Variants in HUNK observed in about 807,000 individuals in gnomAD.
HUNK encodes the protein hormonally up-regulated neu tumor-associated kinase.
Under a neutral mutation model 61.0 loss-of-function variants are expected in HUNK, and 21 were observed. The observed-to-expected ratio is 0.34, with a 90% CI of 0.24 to 0.50. HUNK has a LOEUF of 0.50. Among genes scored for constraint, HUNK ranks in the 20% least tolerant of loss-of-function variants. The pLI is 0.98. For synonymous variants in HUNK, 371 were observed against 386.1 expected, an observed-to-expected ratio of 0.96 and a Z score of 0.46; for missense variants, 772 against 945.7, an observed-to-expected ratio of 0.82 and a Z score of 2.41.
chr21:31,885,646 C>T, intron 1 of HUNK, among the ~76,000 whole-genome samples: 1 of 152,184 alleles, frequency 6.6e-6, no homozygotes, highest in East Asian at 1.9e-4. Flanking sequence ...CCCCTGTCCT[C>T]GGCTTATCCA....
intron 6 of HUNK, among the ~76,000 whole-genome samples, chr21:31,969,921 G>A (rs977290627): frequency 3.3e-5 from 5 of 152,086 alleles, no homozygotes; most frequent in African/African-American, 9.7e-5. Context: ...TAACCTGAGC[G>A]AGGGAATGAG....
intron 8 of HUNK, among the ~76,000 whole-genome samples, chr21:31,984,548 G>A (rs1307429555): frequency 2.6e-5 from 4 of 152,118 alleles, no homozygotes; most frequent in South Asian, 2.1e-4. Flanking sequence ...AACCTGGGAC[G>A]TACCTAGAGA....
Position 31,909,440 on chromosome 21 carries a change from C to T in HUNK, c.262-15028C>T, listed in dbSNP as rs114601777. ...GGGTTTCCCAGCCCTGCGTTGGGAG[C>T]TGCCATTGTTTTTTCCTTAGTCTTG... On this transcript the variant is annotated intron_variant, in intron 1 of 10. Transcript: ENST00000270112. Among the ~76,000 whole-genome samples, 655 of 152,308 alleles carry T rather than the reference C, an allele frequency of 4.3e-3. 1 individual carries two copies. The highest frequency in any genetic ancestry group is 0.015 in the African/African-American group (606 of 41,560).
intron 1 of HUNK, among the ~76,000 whole-genome samples, chr21:31,919,367 A>G (rs2123812996): frequency 6.6e-6 from 1 of 152,230 alleles, no homozygotes; most frequent in South Asian, 2.1e-4. Flanking sequence ...GAGTGGGGAG[A>G]AATGCTTGGA....
At chr21:31,920,488 A>AT (rs2052615374) in intron 1 of HUNK, among the ~76,000 whole-genome samples, 2 of 152,122 alleles carry the variant, frequency 1.3e-5, no homozygotes, top group Admixed American at 1.3e-4. Flanking sequence ...AGAGGGTGTA[A>AT]TTTTTTAGAT....
rs1445479846 is a variant in HUNK, at chr21:31,930,363, G to A, written c.554+5603G>A. Among the ~76,000 whole-genome samples the A allele has an allele frequency of 2.6e-5, 4 of 152,196 alleles. No individual in the cohort carries two copies. In the East Asian group the frequency reaches 5.8e-4, roughly 22 times the overall value. Reference sequence around the variant, plus strand: ...CCATGTTCTCTGTAATTACTACTCAGTCCAGCCCATTCATTTTATCCACGG... The same window carrying A: ...CCATGTTCTCTGTAATTACTACTCAATCCAGCCCATTCATTTTATCCACGG... On this transcript the variant is annotated intron_variant, in intron 2 of 10. Transcript: ENST00000270112.
At position 31,924,361 on chromosome 21, in the gene HUNK, C is replaced by T; in HGVS notation, c.262-107C>T. 11 of 938,772 alleles carry T rather than the reference C, an allele frequency of 1.2e-5. No homozygotes were observed. The highest frequency in any genetic ancestry group is 1.7e-5 in the Non-Finnish European group (11 of 633,382). 58.2% of individuals were successfully genotyped at this position (938,772 alleles called of 1,614,324 possible). ...ATGCTGTTTTAGGTAAGGTGTTTCTCCTCTGCAGAGACATAGCTAGCATTT... is the reference window on the plus strand; with the variant it reads ...ATGCTGTTTTAGGTAAGGTGTTTCTTCTCTGCAGAGACATAGCTAGCATTT... On this transcript the variant is annotated intron_variant, in intron 1 of 10. Transcript: ENST00000270112. This position sits in a 1 kb window ranked among gnomAD's most constrained non-coding sequence, Gnocchi z 5.1.
intron 4 of HUNK, among the ~76,000 whole-genome samples, chr21:31,954,944 G>T (rs2052877924): frequency 6.6e-6 from 1 of 152,008 alleles, no homozygotes; most frequent in African/African-American, 2.4e-5. Context: ...CACCATGCCT[G>T]GCTAATTTTG....
At position 31,990,277 on chromosome 21, in the gene HUNK, A is replaced by G; in HGVS notation, c.1305+101A>G. On this transcript the variant is annotated intron_variant, in intron 9 of 10. Coordinates refer to ENST00000270112, the MANE Select transcript of HUNK (RefSeq NM_014586.2). ...GAGATTGAGACTGAGATTTATTTTA[A>G]GGAGTTGGCTCACACAGTTTTGTGG... The G allele has an allele frequency of 1.7e-6, 2 of 1,148,578 alleles. 1 individual carries two copies. The highest frequency in any genetic ancestry group is 2.5e-5 in the South Asian group (2 of 78,794). 71.1% of individuals were successfully genotyped at this position (1,148,578 alleles called of 1,614,324 possible).
rs1421412440 is a variant in HUNK, at chr21:31,916,144, G to A, written c.262-8324G>A. Among the ~76,000 whole-genome samples, 4 of 127,306 alleles carry A rather than the reference G, an allele frequency of 3.1e-5. No homozygotes were observed. In the Admixed American group the frequency reaches 4.1e-4, roughly 13 times the overall value. The allele number at this position is 127,306 out of a possible 152,430, so 83.5% of individuals were successfully genotyped here. A position where few individuals can be genotyped will look rare whatever the true frequency, so the allele number is the denominator to read the frequency against. On this transcript the variant is annotated intron_variant, in intron 1 of 10. Coordinates refer to ENST00000270112, the MANE Select transcript of HUNK (RefSeq NM_014586.2). Reference sequence around the variant, plus strand: ...CAGCTCACTGCAAGCTCCGCCTCCCGGGTTCATGCCATTCTCCTGCCTCAG... The same window carrying A: ...CAGCTCACTGCAAGCTCCGCCTCCCAGGTTCATGCCATTCTCCTGCCTCAG...
intron 1 of HUNK, among the ~76,000 whole-genome samples, chr21:31,922,214 G>A (rs1196972811): frequency 1.4e-5 from 2 of 148,130 alleles, no homozygotes; most frequent in South Asian, 4.3e-4. Flanking sequence ...ACAGGGTTTC[G>A]CCATGTTGGC....
intron 1 of HUNK, among the ~76,000 whole-genome samples, chr21:31,888,572 A>G (rs2052364790): frequency 6.6e-6 from 1 of 152,098 alleles, no homozygotes; most frequent in Non-Finnish European, 1.5e-5. Context: ...CCCTGTTTCT[A>G]CTGAAAATAC....
intron 1 of HUNK, among the ~76,000 whole-genome samples, chr21:31,914,872 G>A (rs576889318): frequency 3.9e-5 from 6 of 152,190 alleles, no homozygotes; most frequent in African/African-American, 1.4e-4. Flanking sequence ...ATACAGTCAC[G>A]TTGGGGGTTA....
intron 5 of HUNK, among the ~76,000 whole-genome samples, chr21:31,959,500 G>A (rs2123841586): frequency 6.6e-6 from 1 of 152,340 alleles, no homozygotes; most frequent in African/African-American, 2.4e-5. Context: ...ATCATCAGGT[G>A]TGTTTGAAAA....
chr21:31,885,902 T>A (rs898867893), intron 1 of HUNK, among the ~76,000 whole-genome samples: 3 of 152,086 alleles, frequency 2.0e-5, no homozygotes, highest in Non-Finnish European at 4.4e-5. Flanking sequence ...ACCCACCTAA[T>A]TTTTGTATTT....
chr21:31,926,622 T>C (rs1000538430), intron 2 of HUNK, among the ~76,000 whole-genome samples: 2 of 152,230 alleles, frequency 1.3e-5, no homozygotes, highest in Admixed American at 6.5e-5. Context: ...GATTGCTTTC[T>C]GTCATGTAGC....
chr21:31,928,160 G>A (rs570512181), intron 2 of HUNK, among the ~76,000 whole-genome samples: 2 of 152,264 alleles, frequency 1.3e-5, no homozygotes, highest in East Asian at 1.9e-4. Context: ...TTGGATCACC[G>A]ACTCCGCAGG....
chr21:31,886,131 T>C (rs868663497), intron 1 of HUNK, among the ~76,000 whole-genome samples: 4 of 152,226 alleles, frequency 2.6e-5, no homozygotes, highest in African/African-American at 9.6e-5. Context: ...AAAGACCTCA[T>C]ATTCAGGGGG....
At chr21:31,945,909 TA>T in intron 3 of HUNK, 126 bp from the exon 4 acceptor site, 1 of 938,730 alleles carries the variant, frequency 1.1e-6, no homozygotes, top group Non-Finnish European at 1.6e-6. Flanking sequence ...TTTAGGATGC[TA>T]AATGATGTGT....
Sources: gnomAD v4.1 joint callset for allele counts (sites outside exome capture counted in the v4.1 genomes callset) on GRCh38, gnomAD v4.1.1 for gene constraint, Gnocchi (gnomAD v3.1) non-coding constraint, MANE v1.5 for transcripts, NCBI Gene and HGNC (gene_info 2026-07-23, HGNC 2026-07-21) for gene names.